Variants in TPO observed in about 807,000 individuals in gnomAD.
The protein encoded by TPO is thyroid peroxidase, also known as thyroid microsomal antigen.
Under a neutral mutation model 96.9 loss-of-function variants are expected in TPO, and 78 were observed. That is an observed-to-expected ratio of 0.81 (90% confidence interval 0.67 to 0.97). The LOEUF (loss-of-function observed/expected upper bound fraction) is 0.97. Ranked by LOEUF, TPO falls within the 50% of genes least tolerant of loss-of-function variation. The pLI, the probability that TPO is intolerant of heterozygous loss-of-function variation, is 0.00. For synonymous variants in TPO, 547 were observed against 538.0 expected (o/e 1.02, Z -0.23); for missense variants, 1,252 against 1,274.8 (o/e 0.98, Z 0.27).
At chr2:1,383,553 G>C (rs1573052256) in intron 1 of TPO, among the ~76,000 whole-genome samples, 1 of 152,166 alleles carries the variant, frequency 6.6e-6, no homozygotes, top group Non-Finnish European at 1.5e-5. Flanking sequence ...CATATGCTTT[G>C]CCCACTTGTT....
chr2:1,425,231 G>T (rs1664222973), intron 3 of TPO, among the ~76,000 whole-genome samples: 1 of 151,620 alleles, frequency 6.6e-6, no homozygotes, highest in African/African-American at 2.4e-5. Flanking sequence ...ATACAGAGAT[G>T]AGTTCGATCA....
chr2:1,542,619 C>A lies in TPO; in HGVS notation c.*145C>A. On this transcript the variant is annotated 3_prime_UTR_variant, in exon 17 of 17. Coordinates refer to ENST00000329066, the MANE Select transcript of TPO (RefSeq NM_001206744.2). The stretch of plus-strand genomic sequence containing the variant: ...TCTAGTACCATGTCGTAGTTACTCT[C>A]AGGCATGGATGAATAAATGTTATAG... The A allele has an allele frequency of 6.4e-7, 1 of 1,551,454 alleles. No homozygotes were observed. Among genetic ancestry groups the A allele is most frequent in the Non-Finnish European group, 8.7e-7 (1 of 1,146,522 alleles).
intron 13 of TPO, among the ~76,000 whole-genome samples, chr2:1,502,747 C>A (rs1056529955): frequency 2.0e-5 from 3 of 152,226 alleles, no homozygotes; most frequent in Non-Finnish European, 4.4e-5. Flanking sequence ...AAAGACCGTA[C>A]TGTTTAGAAA....
At chr2:1,430,233 G>T (rs1444604396) in intron 3 of TPO, among the ~76,000 whole-genome samples, 1 of 152,158 alleles carries the variant, frequency 6.6e-6, no homozygotes, top group Non-Finnish European at 1.5e-5. Flanking sequence ...TCTGGCTCTG[G>T]GCTTGGCTCA....
chr2:1,517,127 A>T, intron 15 of TPO, 145 bp downstream of exon 15: 1 of 824,956 alleles, frequency 1.2e-6, no homozygotes, highest in Non-Finnish European at 2.0e-6. Context: ...GCTATTTTGT[A>T]CAACGTAATA....
At chr2:1,510,976 CAT>C (rs988788610) in intron 14 of TPO, among the ~76,000 whole-genome samples, 4 of 152,200 alleles carry the variant, frequency 2.6e-5, no homozygotes, top group Non-Finnish European at 2.9e-5. Context: ...CGTAGATACA[CAT>C]ATAGATTCAG....
chr2:1,415,098 T>C (rs1157475822), intron 2 of TPO, among the ~76,000 whole-genome samples: 1 of 149,078 alleles, frequency 6.7e-6, no homozygotes, highest in East Asian at 2.0e-4. Context: ...CCGGGGCCCC[T>C]GGAGCAGGTG....
At chr2:1,409,179 C>T (rs183052237), upstream of TPO, among the ~76,000 whole-genome samples, 1 of 152,286 alleles carries the variant, frequency 6.6e-6, no homozygotes, top group Admixed American at 6.5e-5. Flanking sequence ...GGGGACGTGA[C>T]TGCTGTCCCC....
rs1429700748 is a variant in TPO, at chr2:1,444,392, T to G, written c.482+8008T>G. On this transcript the variant is annotated intron_variant, in intron 5 of 16. Transcript: ENST00000329066. The stretch of plus-strand genomic sequence containing the variant: ...TGGAGCTGGCTCCTTCTTGTTTGTA[T>G]GATCCAGTCATTGCTGCAGGAGGTA... Among the ~76,000 whole-genome samples the G allele has an allele frequency of 2.0e-5, 3 of 150,572 alleles. 1 individual carries two copies. Among genetic ancestry groups the G allele is most frequent in the Admixed American group, 6.6e-5 (1 of 15,176 alleles).
chr2:1,414,588 G>A, intron 2 of TPO, 86 bp downstream of exon 2: 1 of 1,298,998 alleles, frequency 7.7e-7, no homozygotes, highest in Non-Finnish European at 1.1e-6. Context: ...GGTAGCTCCT[G>A]AGAGTCACTT....
intron 15 of TPO, among the ~76,000 whole-genome samples, chr2:1,526,917 A>G (rs1375854016): frequency 7.6e-6 from 1 of 131,228 alleles, no homozygotes; most frequent in Non-Finnish European, 1.6e-5. Flanking sequence ...CAACCTCCCC[A>G]AATCCCCTCC....
At chr2:1,416,560 C>T (rs539094150) in intron 2 of TPO, among the ~76,000 whole-genome samples, 11 of 152,314 alleles carry the variant, frequency 7.2e-5, no homozygotes, top group Non-Finnish European at 1.0e-4. Flanking sequence ...TTGACCTTTT[C>T]GTTTTGCTTA....
chr2:1,424,857 A>G (rs1407999662), intron 3 of TPO, among the ~76,000 whole-genome samples: 1 of 146,456 alleles, frequency 6.8e-6, no homozygotes, highest in Non-Finnish European at 1.5e-5. Flanking sequence ...AGATCATTTC[A>G]TATCCTCAGA....
chr2:1,495,687 G>A (rs1672252088), intron 11 of TPO, among the ~76,000 whole-genome samples: 1 of 152,344 alleles, frequency 6.6e-6, no homozygotes. Context: ...TCTCCTTCGG[G>A]TCCTCAGTAC....
At chr2:1,439,565 C>T (rs1464054568) in intron 5 of TPO, among the ~76,000 whole-genome samples, 1 of 152,068 alleles carries the variant, frequency 6.6e-6, no homozygotes, top group Non-Finnish European at 1.5e-5. Context: ...AACAAGCAGA[C>T]TTTTAGCCAC....
At chr2:1,403,356 C>T (rs747901362) in intron 1 of TPO, among the ~76,000 whole-genome samples, 26 of 152,188 alleles carry the variant, frequency 1.7e-4, no homozygotes, top group Middle Eastern at 3.2e-3. Flanking sequence ...ATGGACACCA[C>T]TTGCTCTCCC....
rs372616224 is a variant in TPO, at chr2:1,496,212, C to T, written c.2215+15C>T. 6 of 1,612,390 alleles carry T rather than the reference C, an allele frequency of 3.7e-6. No individual in the cohort carries two copies. The highest frequency in any genetic ancestry group is 2.7e-5 in the African/African-American group (2 of 74,876). On this transcript the variant is annotated intron_variant, in intron 12 of 16. Coordinates refer to ENST00000329066, the MANE Select transcript of TPO (RefSeq NM_001206744.2). ...CTTTCCTCAAGGTGAAGTTCGGTCT[C>T]CTCTCACACCACGTTACAGCACGTG... is the stretch of plus-strand genomic sequence containing the variant.
At chr2:1,423,875 T>C (rs1299285127) in intron 3 of TPO, among the ~76,000 whole-genome samples, 1 of 152,190 alleles carries the variant, frequency 6.6e-6, no homozygotes, top group Non-Finnish European at 1.5e-5. Context: ...GAAACACTAT[T>C]TCTCATAAAC....
At chr2:1,475,488 A>G (rs911240963) in intron 7 of TPO, among the ~76,000 whole-genome samples, 11 of 151,520 alleles carry the variant, frequency 7.3e-5, no homozygotes, top group Admixed American at 2.0e-4. Flanking sequence ...CAGTGGCCCA[A>G]TCTCGGCTCA....
Sources: allele counts gnomAD v4.1 joint callset (sites outside exome capture counted in the v4.1 genomes callset), GRCh38; gene constraint gnomAD v4.1.1; transcripts MANE v1.5; gene names NCBI Gene and HGNC (gene_info 2026-07-23, HGNC 2026-07-21).